The following KLF17 variants were observed in gnomAD, a reference collection of about 807,000 sequenced individuals.
KLF17 encodes the protein Krueppel-like factor 17.
KLF17 carries 31 observed loss-of-function variants against 34.2 expected under a neutral mutation model. The ratio of observed to expected loss-of-function variants is 0.91; its 90% CI spans 0.68 to 1.22. KLF17 has a LOEUF of 1.22. KLF17 is among the 50% of genes most tolerant of loss of function. KLF17 has a pLI of 0.00. For synonymous variants in KLF17, 179 were observed against 186.7 expected, an observed-to-expected ratio of 0.96 and a Z score of 0.34; for missense variants, 478 against 505.2, an observed-to-expected ratio of 0.95 and a Z score of 0.52.
the KLF17 span, among the ~76,000 whole-genome samples, chr1:44,070,988 C>A: frequency 2.0e-5 from 3 of 152,128 alleles, no homozygotes; most frequent in East Asian, 3.8e-4. Flanking sequence ...GAACCATAAT[C>A]TTTTAAAGGT....
At chr1:44,103,036 G>T in the KLF17 span, among the ~76,000 whole-genome samples, 1 of 152,244 alleles carries the variant, frequency 6.6e-6, no homozygotes, top group Non-Finnish European at 1.5e-5. Flanking sequence ...AATCATAGCA[G>T]CAATGTTTTG....
intron 1 of KLF17, among the ~76,000 whole-genome samples, chr1:44,128,580 C>T (rs572720630): frequency 7.2e-5 from 11 of 152,238 alleles, no homozygotes; most frequent in East Asian, 1.9e-4. Context: ...TCAGGGCAGA[C>T]GCTGTAAATA....
chr1:44,102,370 C>T, the KLF17 span, among the ~76,000 whole-genome samples: 3 of 151,804 alleles, frequency 2.0e-5, no homozygotes, highest in Admixed American at 6.6e-5. Context: ...TGGCCAACAA[C>T]GGTGAAACCC....
chr1:44,112,887 C>T, the KLF17 span, among the ~76,000 whole-genome samples: 67,536 of 152,070 alleles, frequency 0.44, 15,305 homozygotes, highest in Middle Eastern at 0.51. Flanking sequence ...TCCTAATTAT[C>T]TCCCATGTGG....
chr1:44,108,209 G>A, the KLF17 span, among the ~76,000 whole-genome samples: 1 of 152,152 alleles, frequency 6.6e-6, no homozygotes, highest in African/African-American at 2.4e-5. Flanking sequence ...CCTTATATGC[G>A]TGCTGGGAAT....
At chr1:44,096,709 TA>T in the KLF17 span, among the ~76,000 whole-genome samples, 7 of 149,626 alleles carry the variant, frequency 4.7e-5, no homozygotes, top group South Asian at 2.1e-4. Context: ...CTACGGTTTT[TA>T]AAAAAAAATT....
Position 44,129,997 on chromosome 1 carries a change from G to C in KLF17, c.726G>C (p.Gln242His). ...VLGSQDSLVSQPDSQEGPFLP... is the reference protein window; with the variant it reads ...VLGSQDSLVSHPDSQEGPFLP... ...GATCTCAGGACTCTCTTGTCAGTCA[G>C]CCAGACTCTCAAGAAGGCCCATTTC... The change falls in exon 2 of 4, where the codon CAG (glutamine) becomes CAC (histidine). Residue 242 changes from glutamine to histidine, a missense_variant. Transcript: ENST00000372299. 1 of 1,614,164 alleles carries C rather than the reference G, an allele frequency of 6.2e-7. No homozygotes were observed. Among genetic ancestry groups the C allele is most frequent in the Non-Finnish European group, 8.5e-7 (1 of 1,180,038 alleles).
chr1:44,092,898 T>C, the KLF17 span, among the ~76,000 whole-genome samples: 1 of 151,962 alleles, frequency 6.6e-6, no homozygotes, highest in Admixed American at 6.6e-5. Context: ...AGGAAAACCA[T>C]CTTGAAACCA....
At chr1:44,104,048 CGT>C in the KLF17 span, 2 of 869,242 alleles carry the variant, frequency 2.3e-6, no homozygotes, top group Non-Finnish European at 2.0e-6. Context: ...GCACCACAGA[CGT>C]GGCGGAGATC....
the KLF17 span, chr1:44,106,375 A>C: frequency 6.6e-6 from 1 of 152,398 alleles, no homozygotes; most frequent in East Asian, 1.9e-4. Context: ...ATCTGTTGCA[A>C]TCTCCAGCTC....
chr1:44,104,794 A>C, the KLF17 span: 1 of 213,948 alleles, frequency 4.7e-6, no homozygotes, highest in Non-Finnish European at 9.4e-6. Context: ...ATACGATGGA[A>C]ACTATTCAGC....
chr1:44,102,614 A>ACACACACACG, the KLF17 span, among the ~76,000 whole-genome samples: 3 of 125,748 alleles, frequency 2.4e-5, no homozygotes, highest in Non-Finnish European at 5.4e-5. Flanking sequence ...ACACACACAC[A>ACACACACACG]GAAAAGAAAA....
the KLF17 span, among the ~76,000 whole-genome samples, chr1:44,046,528 TACACACACACTCACACACACACACAC>T: frequency 2.4e-5 from 2 of 85,054 alleles, no homozygotes; most frequent in African/African-American, 9.1e-5. Context: ...ACCTAAGCAC[TACACACACACTCACACACACACACAC>T]ACACACACAC....
At chr1:44,110,095 C>T in the KLF17 span, among the ~76,000 whole-genome samples, 5 of 151,674 alleles carry the variant, frequency 3.3e-5, no homozygotes, top group Admixed American at 2.0e-4. Flanking sequence ...TTACTAGAGA[C>T]GGGGTTTCAC....
the KLF17 span, among the ~76,000 whole-genome samples, chr1:44,046,371 C>T: frequency 2.0e-5 from 3 of 151,944 alleles, no homozygotes; most frequent in African/African-American, 7.3e-5. Flanking sequence ...GTGCATGCCA[C>T]TACGCCTGGC....
chr1:44,129,492 CTGT>C lies in KLF17; in HGVS notation c.224_226del (p.Val75del). 1.2e-6 allele frequency: 2 copies of C among 1,612,488 alleles called. No homozygotes were observed. The highest frequency in any genetic ancestry group is 1.7e-6 in the Non-Finnish European group (2 of 1,179,046). On this transcript the variant is annotated inframe_deletion, in exon 2 of 4. Transcript: ENST00000372299. ...GAGATGCTGGGGTCCCCTTTGGTGT[CTGT>C]TGAGGCGCCGGGGCAGAATGTGAAT...
At chr1:44,096,389 T>G in the KLF17 span, among the ~76,000 whole-genome samples, 2 of 135,916 alleles carry the variant, frequency 1.5e-5, no homozygotes, top group Non-Finnish European at 3.3e-5. Context: ...TTTTTTATTT[T>G]TATTATTTAT....
the KLF17 span, among the ~76,000 whole-genome samples, chr1:44,099,916 A>G: frequency 9.8e-4 from 70 of 71,622 alleles, 5 homozygotes; most frequent in Non-Finnish European, 1.8e-3. Context: ...AAAGAAAGAA[A>G]GAAAAGAAAG....
At chr1:44,085,120 A>G in the KLF17 span, among the ~76,000 whole-genome samples, 1 of 151,566 alleles carries the variant, frequency 6.6e-6, no homozygotes. Flanking sequence ...GTGTATATAT[A>G]TGTGTGTGTA....
Sources: allele counts gnomAD v4.1 joint callset (sites outside exome capture counted in the v4.1 genomes callset), GRCh38; gene constraint gnomAD v4.1.1; transcripts MANE v1.5; gene names NCBI Gene and HGNC (gene_info 2026-07-23, HGNC 2026-07-21).